FBXW7: variants seen among roughly 807,000 people sequenced by gnomAD.
FBXW7 encodes the protein F-box/WD repeat-containing protein 7.
A neutral mutation model predicts 86.3 loss-of-function variants in FBXW7; 11 were observed. The observed-to-expected ratio is 0.13, with a 90% CI of 0.08 to 0.21. FBXW7 has a LOEUF of 0.21. Among genes scored for constraint, FBXW7 ranks in the 10% least tolerant of loss-of-function variants. FBXW7 has a pLI of 1.00. For synonymous variants in FBXW7, 313 were observed against 297.9 expected (o/e 1.05, Z -0.52); for missense variants, 488 against 847.4 (o/e 0.58, Z 5.27).
At chr4:152,421,972 T>C (rs774192982) in intron 2 of FBXW7, among the ~76,000 whole-genome samples, 1 of 152,094 alleles carries the variant, frequency 6.6e-6, no homozygotes, top group Non-Finnish European at 1.5e-5. Context: ...ATGAAAAAGA[T>C]TGAAATATTG....
rs1005086931 is a variant in FBXW7 at position 152,322,786 on chromosome 4, A to AT, written c.*94dup. On this transcript the variant is annotated 3_prime_UTR_variant, in exon 14 of 14. Coordinates refer to ENST00000281708, the MANE Select transcript of FBXW7 (RefSeq NM_001349798.2). ...CATCCTGCACCACTGAGAACAAGGG[A>AT]TTTTTTTCTTTTTCTTTTCTTTTTT... is the stretch of plus-strand genomic sequence containing the variant. 4 of 1,543,796 alleles carry AT rather than the reference A, an allele frequency of 2.6e-6. No homozygotes were observed. The highest frequency in any genetic ancestry group is 3.5e-6 in the Non-Finnish European group (4 of 1,149,698).
intron 2 of FBXW7, among the ~76,000 whole-genome samples, chr4:152,512,856 A>ATATT (rs907827471): frequency 9.2e-5 from 14 of 152,094 alleles, no homozygotes; most frequent in East Asian, 3.9e-4. Flanking sequence ...AAACGACCGA[A>ATATT]TATTTATTTA....
At chr4:152,353,904 C>T (rs778523717) in intron 4 of FBXW7, among the ~76,000 whole-genome samples, 2 of 152,108 alleles carry the variant, frequency 1.3e-5, no homozygotes, top group East Asian at 3.9e-4. Context: ...TTCTTTATTA[C>T]AAGTAAATTG....
chr4:152,518,253 T>G (rs764041831), intron 2 of FBXW7, among the ~76,000 whole-genome samples: 1 of 152,144 alleles, frequency 6.6e-6, no homozygotes, highest in Non-Finnish European at 1.5e-5. Context: ...ACTCCCAATG[T>G]GCTGGGATTA....
intron 11 of FBXW7, 74 bp from the exon 12 acceptor site, chr4:152,326,305 A>T (rs1199750462): frequency 1.6e-6 from 2 of 1,227,190 alleles, no homozygotes; most frequent in Admixed American, 4.5e-5. Context: ...ATATGAGAAA[A>T]CATGGTAGAT....
chr4:152,481,474 C>T (rs770135123), intron 2 of FBXW7, among the ~76,000 whole-genome samples: 1 of 152,090 alleles, frequency 6.6e-6, no homozygotes, highest in Non-Finnish European at 1.5e-5. Flanking sequence ...GATTGAGAAG[C>T]CCTTTTGACT....
At chr4:152,484,482 C>G (rs1041023550) in intron 2 of FBXW7, among the ~76,000 whole-genome samples, 1 of 151,754 alleles carries the variant, frequency 6.6e-6, no homozygotes, top group Non-Finnish European at 1.5e-5. Context: ...GCTACACATA[C>G]AAGGGGAAAA....
chr4:152,521,010 C>T (rs1022476416), intron 2 of FBXW7, among the ~76,000 whole-genome samples: 1 of 152,102 alleles, frequency 6.6e-6, no homozygotes, highest in African/African-American at 2.4e-5. Context: ...GTGTGGTCTC[C>T]CCTCCTGCCA....
intron 2 of FBXW7, among the ~76,000 whole-genome samples, chr4:152,415,684 C>T (rs890052416): frequency 1.3e-4 from 20 of 152,060 alleles, no homozygotes; most frequent in Non-Finnish European, 2.8e-4. Context: ...TTTATGGTTG[C>T]CTGTTGGGTC....
At chr4:152,498,542 C>T (rs1047050797) in intron 2 of FBXW7, among the ~76,000 whole-genome samples, 1 of 152,112 alleles carries the variant, frequency 6.6e-6, no homozygotes, top group Non-Finnish European at 1.5e-5. Context: ...CTAATAGGTG[C>T]AAGACATTCT....
chr4:152,443,536 T>C (rs1741094210), intron 2 of FBXW7, among the ~76,000 whole-genome samples: 1 of 152,200 alleles, frequency 6.6e-6, no homozygotes, highest in Non-Finnish European at 1.5e-5. Flanking sequence ...CAGGGCTTTG[T>C]GCTTAACGTG....
chr4:152,391,116 T>C (rs1279327370), intron 4 of FBXW7, among the ~76,000 whole-genome samples: 3 of 152,072 alleles, frequency 2.0e-5, no homozygotes, highest in African/African-American at 7.2e-5. Flanking sequence ...CCATACTTCA[T>C]TTATATAATT....
chr4:152,432,540 C>T (rs537028725), intron 2 of FBXW7, among the ~76,000 whole-genome samples: 1 of 152,280 alleles, frequency 6.6e-6, no homozygotes, highest in African/African-American at 2.4e-5. Context: ...GGTGCGGTGG[C>T]TCATGCCTGC....
chr4:152,377,538 G>A (rs373913267), intron 4 of FBXW7, among the ~76,000 whole-genome samples: 9 of 151,696 alleles, frequency 5.9e-5, no homozygotes, highest in Middle Eastern at 3.4e-3. Context: ...GATCAACTGC[G>A]GTCAGGAGTT....
intron 4 of FBXW7, among the ~76,000 whole-genome samples, chr4:152,351,161 C>T (rs1242399946): frequency 3.9e-5 from 6 of 152,070 alleles, no homozygotes; most frequent in African/African-American, 1.4e-4. Flanking sequence ...AAAATCCTTG[C>T]TTTGCAGCAG....
At chr4:152,334,111 A>G (rs1386224582) in intron 7 of FBXW7, among the ~76,000 whole-genome samples, 1 of 152,170 alleles carries the variant, frequency 6.6e-6, no homozygotes, top group South Asian at 2.1e-4. Flanking sequence ...TGTATTGAGT[A>G]TATTCAATAT....
At chr4:152,385,180 CT>C (rs1228660889) in intron 4 of FBXW7, among the ~76,000 whole-genome samples, 2 of 151,930 alleles carry the variant, frequency 1.3e-5, no homozygotes, top group African/African-American at 2.4e-5. Flanking sequence ...ATTAACCCCC[CT>C]GAATTTCTTT....
chr4:152,397,579 C>T (rs1237466140), intron 4 of FBXW7, among the ~76,000 whole-genome samples: 2 of 150,842 alleles, frequency 1.3e-5, no homozygotes, highest in African/African-American at 4.9e-5. Context: ...GCATATCTTA[C>T]GTAGTTCATA....
intron 4 of FBXW7, among the ~76,000 whole-genome samples, chr4:152,359,232 C>T (rs1197973315): frequency 6.6e-6 from 1 of 152,000 alleles, no homozygotes; most frequent in Non-Finnish European, 1.5e-5. Flanking sequence ...CCAATATCTG[C>T]GAAATGCTAC....
Sources: allele counts gnomAD v4.1 joint callset (sites outside exome capture counted in the v4.1 genomes callset), GRCh38; gene constraint gnomAD v4.1.1; transcripts MANE v1.5; gene names NCBI Gene and HGNC (gene_info 2026-07-23, HGNC 2026-07-21).